Variants in RPS6KA2 observed in about 807,000 individuals in gnomAD.
RPS6KA2 encodes the protein ribosomal protein S6 kinase alpha-2.
In RPS6KA2, 42 loss-of-function variants were observed where a neutral mutation model predicts 91.8. The ratio of observed to expected loss-of-function variants is 0.46; its 90% CI spans 0.36 to 0.59. The LOEUF is 0.59. Among genes scored for constraint, RPS6KA2 ranks in the 20% least tolerant of loss-of-function variants. The pLI is 0.00. For synonymous variants in RPS6KA2, 414 were observed against 393.6 expected, an observed-to-expected ratio of 1.05 and a Z score of -0.61; for missense variants, 798 against 978.5, an observed-to-expected ratio of 0.82 and a Z score of 2.46.
chr6:166,823,807 G>A (rs1050989977), intron 2 of RPS6KA2, among the ~76,000 whole-genome samples: 8 of 152,142 alleles, frequency 5.3e-5, no homozygotes, highest in Non-Finnish European at 1.0e-4. Context: ...TTTGATCAGC[G>A]AAGTTCAATT....
At chr6:166,728,576 C>G (rs965184747) in intron 2 of RPS6KA2, among the ~76,000 whole-genome samples, 3 of 152,060 alleles carry the variant, frequency 2.0e-5, no homozygotes, top group African/African-American at 4.8e-5. Context: ...AAGCCCTCCT[C>G]CCCGTCAGCC....
intron 1 of RPS6KA2, among the ~76,000 whole-genome samples, chr6:166,547,447 G>T (rs927393824): frequency 1.3e-5 from 2 of 152,252 alleles, no homozygotes; most frequent in Non-Finnish European, 2.9e-5. Flanking sequence ...CTGAGTGCCC[G>T]CTCTCCGGCA....
chr6:166,661,478 T>C (rs1042264770), intron 2 of RPS6KA2, among the ~76,000 whole-genome samples: 2 of 152,244 alleles, frequency 1.3e-5, no homozygotes, highest in African/African-American at 4.8e-5. Context: ...TTTGTATTAT[T>C]TTTCTATTTG....
At chr6:166,730,627 T>A (rs1055592792) in intron 2 of RPS6KA2, among the ~76,000 whole-genome samples, 1 of 152,244 alleles carries the variant, frequency 6.6e-6, no homozygotes, top group Non-Finnish European at 1.5e-5. Context: ...ATTCACAGCT[T>A]TTATTCTAAA....
At chr6:166,447,634 G>A (rs1397367999) in intron 14 of RPS6KA2, among the ~76,000 whole-genome samples, 1 of 152,176 alleles carries the variant, frequency 6.6e-6, no homozygotes, top group Non-Finnish European at 1.5e-5. Flanking sequence ...AATGTCAGTG[G>A]AGCTCTGGGC....
At position 166,730,029 on chromosome 6, in the gene RPS6KA2, G is replaced by A. The variant is rs542466286; in HGVS notation, c.123+128171C>T. Among the ~76,000 whole-genome samples the A allele has an allele frequency of 5.3e-4, 80 of 152,286 alleles. 1 individual carries two copies. Among genetic ancestry groups the A allele is most frequent in the East Asian group, 5.2e-3 (27 of 5,192 alleles). On this transcript the variant is annotated intron_variant, in intron 2 of 21. Coordinates refer to the RPS6KA2 transcript ENST00000503859. Reference sequence around the variant, plus strand: ...TTATGTTTCATCAAGATAATTTTCTGTGTTGCCTTTATTAGATTTTCTGAT... The same window carrying A: ...TTATGTTTCATCAAGATAATTTTCTATGTTGCCTTTATTAGATTTTCTGAT...
chr6:166,677,362 GTTTTTTT>G (rs199505387), intron 2 of RPS6KA2, among the ~76,000 whole-genome samples: 1 of 141,340 alleles, frequency 7.1e-6, no homozygotes, highest in African/African-American at 2.6e-5. Flanking sequence ...GTTCATATCA[GTTTTTTT>G]TTTTTTTTTT....
At chr6:166,812,832 G>A (rs1165614735) in intron 2 of RPS6KA2, among the ~76,000 whole-genome samples, 1 of 152,172 alleles carries the variant, frequency 6.6e-6, no homozygotes, top group Non-Finnish European at 1.5e-5. Context: ...TGAGAAATAT[G>A]TTAAGGAATA....
At chr6:166,595,599 G>A (rs1436273314) in intron 1 of RPS6KA2, among the ~76,000 whole-genome samples, 2 of 152,176 alleles carry the variant, frequency 1.3e-5, no homozygotes, top group Non-Finnish European at 2.9e-5. Flanking sequence ...GCCACTGACA[G>A]GCAGACACAT....
intron 2 of RPS6KA2, among the ~76,000 whole-genome samples, chr6:166,675,034 G>A (rs1433327051): frequency 6.6e-6 from 1 of 152,216 alleles, no homozygotes; most frequent in African/African-American, 2.4e-5. Context: ...CACATAAAGA[G>A]TGAGCTGCAG....
chr6:166,657,340 CAA>C (rs11309693), intron 2 of RPS6KA2, among the ~76,000 whole-genome samples: 11 of 143,098 alleles, frequency 7.7e-5, no homozygotes, highest in African/African-American at 2.0e-4. Flanking sequence ...CAAAACAGAA[CAA>C]AAAAAAAAAC....
At chr6:166,534,199 G>A in intron 2 of RPS6KA2, among the ~76,000 whole-genome samples, 1 of 144,222 alleles carries the variant, frequency 6.9e-6, no homozygotes. Context: ...TCCGGCCTGG[G>A]CGAAACAGCG....
At chr6:166,450,747 C>T (rs10806851) in intron 13 of RPS6KA2, among the ~76,000 whole-genome samples, 38,236 of 150,262 alleles carry the variant, frequency 0.25, 4,892 homozygotes, top group Middle Eastern at 0.35. Context: ...CAGGACACCA[C>T]CATGGGGACC....
chr6:166,437,775 C>G lies in RPS6KA2; in HGVS notation c.1333-5285G>C, dbSNP rs1041153079. ...AACAAACACTGCCATTCCTGCTGGCCGAAGGCGACAACAGGAGACTTCGCT... is the reference window on the plus strand; with the variant it reads ...AACAAACACTGCCATTCCTGCTGGCGGAAGGCGACAACAGGAGACTTCGCT... On this transcript the variant is annotated intron_variant, in intron 14 of 20. Transcript: ENST00000265678. The surrounding 1 kb of genome is among the most constrained non-coding windows in gnomAD (Gnocchi z 4.3). Among the ~76,000 whole-genome samples the G allele has an allele frequency of 1.3e-5, 2 of 152,164 alleles. No homozygotes were observed. Among genetic ancestry groups the G allele is most frequent in the Non-Finnish European group, 2.9e-5 (2 of 68,032 alleles).
At chr6:166,579,172 G>A (rs530028838) in intron 1 of RPS6KA2, among the ~76,000 whole-genome samples, 36 of 152,190 alleles carry the variant, frequency 2.4e-4, no homozygotes, top group Non-Finnish European at 4.6e-4. Context: ...ACAAGTATCC[G>A]TTTATGCTGT....
rs998485517 is a variant in RPS6KA2, at chr6:166,495,297, C to G, written c.747+3211G>C. Among the ~76,000 whole-genome samples, 4 of 151,962 alleles carry G rather than the reference C, an allele frequency of 2.6e-5. No homozygotes were observed. The highest frequency in any genetic ancestry group is 4.4e-5 in the Non-Finnish European group (3 of 68,036). On this transcript the variant is annotated intron_variant, in intron 8 of 20. Coordinates refer to ENST00000265678, the MANE Select transcript of RPS6KA2 (RefSeq NM_021135.6). This position sits in a 1 kb window ranked among gnomAD's most constrained non-coding sequence, Gnocchi z 4.4. ...GCAACAGCCAGCCCTGCCTCGGGCT[C>G]GAGAGTGACACAGCAGTTCTGGAGC...
At chr6:166,677,140 C>T (rs1037039433) in intron 2 of RPS6KA2, among the ~76,000 whole-genome samples, 1 of 152,128 alleles carries the variant, frequency 6.6e-6, no homozygotes, top group African/African-American at 2.4e-5. Context: ...CAGGTGTCTT[C>T]ACAACAGAAA....
chr6:166,544,822 G>C (rs1191560597), intron 1 of RPS6KA2: 1 of 152,174 alleles, frequency 6.6e-6, no homozygotes, highest in Non-Finnish European at 1.5e-5. Context: ...AGCTGCATTT[G>C]TCCAATCAAT....
chr6:166,487,071 G>T (rs981025782), intron 10 of RPS6KA2, among the ~76,000 whole-genome samples: 23 of 152,330 alleles, frequency 1.5e-4, no homozygotes, highest in Middle Eastern at 6.8e-3. Flanking sequence ...TAAACAGGAA[G>T]ACCTTCGGCA....
Sources: gnomAD v4.1 joint callset for allele counts (sites outside exome capture counted in the v4.1 genomes callset) on GRCh38, gnomAD v4.1.1 for gene constraint, Gnocchi (gnomAD v3.1) non-coding constraint, MANE v1.5 for transcripts, NCBI Gene and HGNC (gene_info 2026-07-23, HGNC 2026-07-21) for gene names.